The following IFT52 variants were observed in gnomAD, a reference collection of about 807,000 sequenced individuals.
IFT52 encodes the protein intraflagellar transport 52.
A neutral mutation model predicts 54.4 loss-of-function variants in IFT52; 44 were observed. The ratio of observed to expected loss-of-function variants is 0.81; its 90% CI spans 0.63 to 1.04. The LOEUF is 1.04. Among genes scored for constraint, IFT52 ranks in the 50% least tolerant of loss-of-function variants. IFT52 has a pLI of 0.00. For synonymous variants in IFT52, 181 were observed against 185.3 expected (o/e 0.98, Z 0.19); for missense variants, 452 against 523.6 (o/e 0.86, Z 1.33).
At chr20:43,607,468 G>A (rs1490269310) in intron 6 of IFT52, among the ~76,000 whole-genome samples, 1 of 151,388 alleles carries the variant, frequency 6.6e-6, no homozygotes, top group Non-Finnish European at 1.5e-5. Flanking sequence ...CGGCTGGGCA[G>A]AGACACTCCT....
chr20:43,623,551 C>T (rs1984497371), intron 9 of IFT52, among the ~76,000 whole-genome samples: 1 of 152,176 alleles, frequency 6.6e-6, no homozygotes, highest in African/African-American at 2.4e-5. Flanking sequence ...AGTGAGTAGA[C>T]TACGGAGATG....
At chr20:43,631,984 G>A (rs535998496) in intron 10 of IFT52, among the ~76,000 whole-genome samples, 3 of 150,742 alleles carry the variant, frequency 2.0e-5, no homozygotes, top group African/African-American at 4.9e-5. Flanking sequence ...GGAGTGCAAC[G>A]GCACGATCTC....
chr20:43,625,041 T>A (rs1261933043), intron 10 of IFT52, among the ~76,000 whole-genome samples: 2 of 152,156 alleles, frequency 1.3e-5, no homozygotes, highest in Non-Finnish European at 2.9e-5. Flanking sequence ...CTTGGGATGC[T>A]TCAGGGACCT....
intron 10 of IFT52, among the ~76,000 whole-genome samples, chr20:43,635,190 A>G (rs75493904): frequency 6.7e-5 from 10 of 149,386 alleles, no homozygotes; most frequent in South Asian, 2.1e-4. Context: ...AGAGAGAGAA[A>G]AAAAAAAAAA....
intron 12 of IFT52, among the ~76,000 whole-genome samples, chr20:43,638,058 G>T (rs1301647650): frequency 6.6e-6 from 1 of 152,136 alleles, no homozygotes; most frequent in African/African-American, 2.4e-5. Context: ...CTGACTTTTG[G>T]TCTGGGGCTG....
intron 1 of IFT52, among the ~76,000 whole-genome samples, chr20:43,591,341 AC>A (rs541858097): frequency 7.3e-4 from 111 of 151,804 alleles, no homozygotes; most frequent in African/African-American, 2.6e-3. Flanking sequence ...CGTGGCTGCG[AC>A]CCCTCGGTAT....
intron 7 of IFT52, among the ~76,000 whole-genome samples, chr20:43,614,298 A>G (rs1401270075): frequency 6.7e-6 from 1 of 149,872 alleles, no homozygotes; most frequent in East Asian, 2.0e-4. Context: ...GCAGTGGTGC[A>G]ATCTCGGCTC....
intron 12 of IFT52, among the ~76,000 whole-genome samples, chr20:43,640,486 A>T (rs1985841851): frequency 6.6e-6 from 1 of 152,084 alleles, no homozygotes; most frequent in African/African-American, 2.4e-5. Flanking sequence ...AATAAAAAAA[A>T]TGCAGGGCAT....
chr20:43,614,266 T>G (rs1236217291), intron 7 of IFT52, among the ~76,000 whole-genome samples: 2 of 147,854 alleles, frequency 1.4e-5, no homozygotes, highest in Non-Finnish European at 3.0e-5. Flanking sequence ...TGAGATGGAG[T>G]CTCTGTTGCC....
chr20:43,596,403 C>A, intron 2 of IFT52, 32 bp from the exon 3 acceptor site: 1 of 1,381,356 alleles, frequency 7.2e-7, no homozygotes, highest in Non-Finnish European at 1.0e-6. Context: ...AAATTATGGA[C>A]TTCATATTTG....
chr20:43,595,264 C>A (rs1413738386), intron 2 of IFT52, among the ~76,000 whole-genome samples: 2 of 146,466 alleles, frequency 1.4e-5, no homozygotes, highest in Non-Finnish European at 3.0e-5. Context: ...TTGCAGTGAG[C>A]CGAGATTGTG....
At chr20:43,608,008 C>T (rs1044478288) in intron 6 of IFT52, among the ~76,000 whole-genome samples, 16 of 151,458 alleles carry the variant, frequency 1.1e-4, no homozygotes, top group Admixed American at 8.6e-4. Context: ...ACCAGACAGG[C>T]GTGGCGGTGC....
At chr20:43,638,523 A>G (rs2145673162) in intron 12 of IFT52, among the ~76,000 whole-genome samples, 1 of 152,282 alleles carries the variant, frequency 6.6e-6, no homozygotes, top group East Asian at 1.9e-4. Flanking sequence ...AAAATACAAT[A>G]AACTCGGGAG....
intron 1 of IFT52, among the ~76,000 whole-genome samples, chr20:43,592,314 G>A (rs1395832126): frequency 6.6e-6 from 1 of 151,882 alleles, no homozygotes; most frequent in East Asian, 1.9e-4. Flanking sequence ...GGGTGACAGA[G>A]CAAGACTATG....
intron 7 of IFT52, among the ~76,000 whole-genome samples, chr20:43,614,809 CTTTTTT>C (rs1037730877): frequency 7.4e-6 from 1 of 134,966 alleles, no homozygotes; most frequent in African/African-American, 2.7e-5. Context: ...CTTTCTTTTT[CTTTTTT>C]TTTTTTTTTT....
intron 3 of IFT52, among the ~76,000 whole-genome samples, chr20:43,600,649 C>G (rs879265929): frequency 1.1e-4 from 17 of 151,960 alleles, no homozygotes; most frequent in African/African-American, 4.1e-4. Context: ...TATGTTAAAT[C>G]GTGCAAAAAA....
intron 12 of IFT52, 69 bp downstream of exon 12, chr20:43,637,322 G>A (rs528569442): frequency 3.5e-5 from 30 of 847,992 alleles, no homozygotes; most frequent in Non-Finnish European, 5.1e-5. Flanking sequence ...GAGTGCAATG[G>A]TGCGATCTCG....
chr20:43,620,393 C>T (rs1354466375), intron 8 of IFT52, among the ~76,000 whole-genome samples: 2 of 152,156 alleles, frequency 1.3e-5, no homozygotes, highest in Non-Finnish European at 2.9e-5. Context: ...CATGGCAGCT[C>T]ATGCCTGTAA....
intron 10 of IFT52, among the ~76,000 whole-genome samples, chr20:43,632,235 C>A (rs1568790183): frequency 2.0e-5 from 3 of 148,558 alleles, no homozygotes; most frequent in Non-Finnish European, 4.5e-5. Flanking sequence ...TATTTGTCTT[C>A]TTAATATTTA....
Sources: allele counts gnomAD v4.1 joint callset (sites outside exome capture counted in the v4.1 genomes callset), GRCh38; gene constraint gnomAD v4.1.1; transcripts MANE v1.5; gene names NCBI Gene and HGNC (gene_info 2026-07-23, HGNC 2026-07-21).